USP47: variants seen among roughly 807,000 people sequenced by gnomAD.
USP47 encodes the protein ubiquitin carboxyl-terminal hydrolase 47.
A neutral mutation model predicts 165.1 loss-of-function variants in USP47; 35 were observed. The ratio of observed to expected loss-of-function variants is 0.21; its 90% CI spans 0.16 to 0.28. The LOEUF (loss-of-function observed/expected upper bound fraction) is 0.28, where lower values mean the gene tolerates loss of function less well. Ranked by LOEUF, USP47 falls within the 10% of genes least tolerant of loss-of-function variation. The probability of loss-of-function intolerance (pLI) is 1.00; values close to 1 mark genes in which losing one functional copy is unlikely to be tolerated. For missense variants in USP47, 1,277 were observed against 1,607.4 expected, an observed-to-expected ratio of 0.79 and a Z score of 3.52; for synonymous variants, 531 against 544.5, an observed-to-expected ratio of 0.98 and a Z score of 0.35.
chr11:11,883,249 A>G (rs1850944028), intron 2 of USP47, among the ~76,000 whole-genome samples: 1 of 152,234 alleles, frequency 6.6e-6, no homozygotes, highest in African/African-American at 2.4e-5. Context: ...GATGTGAGCC[A>G]AAGTTAAGAG....
intron 1 of USP47, among the ~76,000 whole-genome samples, chr11:11,859,380 A>C (rs1849245243): frequency 6.6e-6 from 1 of 152,190 alleles, no homozygotes; most frequent in South Asian, 2.1e-4. Context: ...TAGTTTGGGA[A>C]TCAGAAAACT....
chr11:11,920,635 G>GA, intron 10 of USP47, 141 bp downstream of exon 10: 1 of 692,112 alleles, frequency 1.4e-6, no homozygotes, highest in Admixed American at 3.9e-5. Flanking sequence ...ATTTTCTAAT[G>GA]TGGAATTCAA....
intron 3 of USP47, among the ~76,000 whole-genome samples, chr11:11,885,936 G>A (rs1439153274): frequency 6.6e-6 from 1 of 152,198 alleles, no homozygotes; most frequent in Non-Finnish European, 1.5e-5. Flanking sequence ...ATACCTCCAG[G>A]TATGGGAAAA....
At chr11:11,914,289 C>T (rs75952275) in intron 8 of USP47, among the ~76,000 whole-genome samples, 24,008 of 151,958 alleles carry the variant, frequency 0.16, 2,393 homozygotes, top group Admixed American at 0.34. Context: ...GACACAAAAG[C>T]AAGTCAATGG....
chr11:11,845,433 C>G (rs1192902455), intron 1 of USP47, among the ~76,000 whole-genome samples: 1 of 151,858 alleles, frequency 6.6e-6, no homozygotes, highest in Non-Finnish European at 1.5e-5. Flanking sequence ...GAGATTTCTC[C>G]CTCTTAGAAG....
At chr11:11,874,141 A>G (rs1245905741) in intron 1 of USP47, among the ~76,000 whole-genome samples, 2 of 152,178 alleles carry the variant, frequency 1.3e-5, no homozygotes, top group African/African-American at 2.4e-5. Flanking sequence ...AGATATATTT[A>G]TTTTCTGAAA....
chr11:11,861,452 G>C (rs776932978), intron 1 of USP47, among the ~76,000 whole-genome samples: 3 of 152,090 alleles, frequency 2.0e-5, no homozygotes, highest in Non-Finnish European at 4.4e-5. Flanking sequence ...TGGTTGGTTG[G>C]TTTTTAATTG....
rs374717098 is a variant in USP47 at position 11,929,581 on chromosome 11, T to C, written c.1518+16T>C. 2.7e-5 allele frequency: 44 copies of C among 1,608,718 alleles called. No individual in the cohort carries two copies. Among genetic ancestry groups the C allele is most frequent in the Non-Finnish European group, 3.6e-5 (42 of 1,177,784 alleles). On this transcript the variant is annotated intron_variant, in intron 12 of 27. Coordinates refer to ENST00000527733, the MANE Select transcript of USP47 (RefSeq NM_001282659.2). The stretch of plus-strand genomic sequence containing the variant: ...TGTCAGCAGGGTAAGGAGGTGTCCT[T>C]TAAGATTATTACTCTGAAAGGTGGG...
In USP47 at chr11:11,920,258, G is replaced by A; in HGVS notation, c.1065+7G>A. 2 of 1,609,036 alleles carry A rather than the reference G, an allele frequency of 1.2e-6. No homozygotes were observed. The highest frequency in any genetic ancestry group is 1.7e-6 in the Non-Finnish European group (2 of 1,177,632). ...GAAGTGTGATGCACGGAAGGTAAAT[G>A]CCATGTAGAGATTAATACTTAGGAA... On this transcript the variant is annotated splice_region_variant and intron_variant, in intron 9 of 27. Transcript: ENST00000527733.
At chr11:11,847,528 C>T (rs952822415) in intron 1 of USP47, among the ~76,000 whole-genome samples, 1 of 152,096 alleles carries the variant, frequency 6.6e-6, no homozygotes, top group Non-Finnish European at 1.5e-5. Context: ...TTCTCACAAC[C>T]CAATTCTTGG....
In USP47 at chr11:11,936,355, A is replaced by C. The variant is rs1429644860; in HGVS notation, c.1922A>C (p.Tyr641Ser). Residue 641 changes from tyrosine (Y) to serine (S), a missense_variant, in exon 17 of 28, where the codon TAT becomes TCT. Tyr to Ser is a moderately radical substitution (Grantham distance 144). Coordinates refer to ENST00000527733, the MANE Select transcript of USP47 (RefSeq NM_001282659.2). ...IPLDCCRLVK[Y>S]DEFHDYLERS... ...CTGGATTGCTGTCGCCTTGTTAAAT[A>C]TGATGAGTTTCATGATTATCTAGAA... is the stretch of plus-strand genomic sequence containing the variant. The C allele has an allele frequency of 6.2e-7, 1 of 1,608,122 alleles. No individual in the cohort carries two copies. The highest frequency in any genetic ancestry group is 1.3e-5 in the African/African-American group (1 of 74,662).
Position 11,872,519 on chromosome 11 carries a change from T to C in USP47, c.40-7658T>C, listed in dbSNP as rs78579289. On this transcript the variant is annotated intron_variant, in intron 1 of 27. Transcript: ENST00000527733. ...TTTAAAGCCCCACAGCAGTGATACT[T>C]GAGCAAAGGAGGTGAGGACATCCAG... 3.6e-3 allele frequency among the ~76,000 whole-genome samples: 545 copies of C among 152,282 alleles called. 4 individuals are homozygous for C. Among genetic ancestry groups the C allele is most frequent in the African/African-American group, 0.012 (499 of 41,558 alleles).
Position 11,960,522 on chromosome 11 carries a change from G to T in USP47, c.*4347G>T, listed in dbSNP as rs1022168244. ...CTACCAAGTCTTCAACCCTCAATTT[G>T]ATCTTCCATGAGTGTCTCAAAAAGT... On this transcript the variant is annotated 3_prime_UTR_variant, in exon 28 of 28. Coordinates refer to ENST00000527733, the MANE Select transcript of USP47 (RefSeq NM_001282659.2). Among the ~76,000 whole-genome samples, 1 of 152,134 alleles carries T rather than the reference G, an allele frequency of 6.6e-6. No individual in the cohort carries two copies. The highest frequency in any genetic ancestry group is 1.5e-5 in the Non-Finnish European group (1 of 68,018).
chr11:11,858,007 C>T (rs1016065453), intron 1 of USP47, among the ~76,000 whole-genome samples: 1 of 152,124 alleles, frequency 6.6e-6, no homozygotes, highest in African/African-American at 2.4e-5. Context: ...GGCACCACTT[C>T]ATTTACATGA....
chr11:11,908,477 A>G (rs1009236246), intron 8 of USP47, among the ~76,000 whole-genome samples: 5 of 151,896 alleles, frequency 3.3e-5, no homozygotes, highest in Non-Finnish European at 4.4e-5. Context: ...AAAATGTCCA[A>G]TTTCTGGAGT....
chr11:11,957,235 G>GT lies in USP47; in HGVS notation c.*1063dup, dbSNP rs1305072554. Reference sequence around the variant, plus strand: ...TAGAGTCAATTTGTAGTTACATGTAGTTTAACTTTTGGGAAACGTCTTAAC... The same window carrying GT: ...TAGAGTCAATTTGTAGTTACATGTAGTTTTAACTTTTGGGAAACGTCTTAAC... On this transcript the variant is annotated 3_prime_UTR_variant, in exon 28 of 28. Coordinates refer to ENST00000527733, the MANE Select transcript of USP47 (RefSeq NM_001282659.2). 37 of 151,952 alleles carry GT rather than the reference G, an allele frequency of 2.4e-4. No homozygotes were observed. The highest frequency in any genetic ancestry group is 8.4e-4 in the African/African-American group (35 of 41,424). The allele number at this position is 151,952 out of a possible 1,614,324, so 9.4% of individuals were successfully genotyped here.
chr11:11,842,846 T>TC (rs2134094927), intron 1 of USP47, among the ~76,000 whole-genome samples: 1 of 151,372 alleles, frequency 6.6e-6, no homozygotes, highest in African/African-American at 2.4e-5. Context: ...ACTCTTTTTT[T>TC]TTTTTTTTTT....
At chr11:11,892,819 A>T (rs1418560114) in intron 4 of USP47, among the ~76,000 whole-genome samples, 2 of 72,408 alleles carry the variant, frequency 2.8e-5, no homozygotes, top group African/African-American at 5.0e-5. Context: ...TGTCTCAAGT[A>T]AAAAAAAAAA....
chr11:11,842,013 C>A lies in USP47; in HGVS notation c.-173C>A. Reference sequence around the variant, plus strand: ...GTAGCGGCGGCGGCGGCGGCGGAGCCCTGGGTCGGTGTCTGCGCGCTGGTG... The same window carrying A: ...GTAGCGGCGGCGGCGGCGGCGGAGCACTGGGTCGGTGTCTGCGCGCTGGTG... On this transcript the variant is annotated 5_prime_UTR_variant, in exon 1 of 28. Coordinates refer to ENST00000527733, the MANE Select transcript of USP47 (RefSeq NM_001282659.2). The A allele has an allele frequency of 2.9e-6, 2 of 700,406 alleles. No homozygotes were observed. Among genetic ancestry groups the A allele is most frequent in the East Asian group, 3.1e-5 (1 of 31,814 alleles). The allele number at this position is 700,406 out of a possible 1,614,324, so 43.4% of individuals were successfully genotyped here.
Sources: gnomAD v4.1 joint callset for allele counts (sites outside exome capture counted in the v4.1 genomes callset) on GRCh38, gnomAD v4.1.1 for gene constraint, MANE v1.5 for transcripts, NCBI Gene and HGNC (gene_info 2026-07-23, HGNC 2026-07-21) for gene names.